Variants in EYA2 observed in about 807,000 individuals in gnomAD.
EYA2 encodes the protein EYA transcriptional coactivator and phosphatase 2.
Under a neutral mutation model 69.2 loss-of-function variants are expected in EYA2, and 31 were observed. That is an observed-to-expected ratio of 0.45 (90% CI 0.34 to 0.60). The LOEUF (loss-of-function observed/expected upper bound fraction) is 0.60. Ranked by LOEUF, EYA2 falls within the 20% of genes least tolerant of loss-of-function variation. The pLI is 0.02. For synonymous variants in EYA2, 257 were observed against 279.4 expected (o/e 0.92, Z 0.80); for missense variants, 622 against 701.2 (o/e 0.89, Z 1.28).
At chr20:47,020,766 TATC>T (rs775142650) in intron 5 of EYA2, among the ~76,000 whole-genome samples, 2 of 152,180 alleles carry the variant, frequency 1.3e-5, no homozygotes, top group Admixed American at 1.3e-4. Context: ...GTGAAACTGG[TATC>T]ATAGTGAGAG....
At position 47,172,321 on chromosome 20, in the gene EYA2, T is replaced by C. The variant is rs148718252; in HGVS notation, c.1038-386T>C. Among the ~76,000 whole-genome samples the C allele has an allele frequency of 4.5e-3, 682 of 151,914 alleles. 7 individuals are homozygous for C. The highest frequency in any genetic ancestry group is 0.016 in the African/African-American group (648 of 41,432). ...TGTGGTGGCGCACACACGAGGAGCC[T>C]GTGGGCCCAGCTCCTCGGAAGGCTG... On this transcript the variant is annotated intron_variant, in intron 11 of 15. Coordinates refer to ENST00000327619, the MANE Select transcript of EYA2 (RefSeq NM_005244.5).
At chr20:47,139,720 C>T (rs912843212) in intron 9 of EYA2, among the ~76,000 whole-genome samples, 1 of 152,176 alleles carries the variant, frequency 6.6e-6, no homozygotes, top group African/African-American at 2.4e-5. Context: ...TGAGCCACTG[C>T]ACCCAGCCTC....
chr20:46,993,238 A>G (rs1433954143), intron 2 of EYA2, among the ~76,000 whole-genome samples: 1 of 152,214 alleles, frequency 6.6e-6, no homozygotes. Context: ...GAGTGGACTT[A>G]GTGTGCTTAA....
chr20:46,976,011 C>T (rs1372528340), intron 1 of EYA2, among the ~76,000 whole-genome samples: 1 of 152,142 alleles, frequency 6.6e-6, no homozygotes, highest in Non-Finnish European at 1.5e-5. Flanking sequence ...ACTCAGTCCG[C>T]TTGGCTGAAG....
intron 2 of EYA2, chr20:46,997,770 G>A (rs376236104): frequency 2.0e-5 from 3 of 152,390 alleles, no homozygotes; most frequent in South Asian, 2.1e-4. Context: ...CAACAAGGTT[G>A]AGAACAGAAA....
At chr20:46,914,411 AATAAAGACAT>A in intron 1 of EYA2, among the ~76,000 whole-genome samples, 1 of 152,318 alleles carries the variant, frequency 6.6e-6, no homozygotes, top group East Asian at 1.9e-4. Flanking sequence ...TCACACTGCC[AATAAAGACAT>A]ACCCAACTGG....
At chr20:47,115,514 C>T (rs1463250832) in intron 9 of EYA2, among the ~76,000 whole-genome samples, 2 of 152,112 alleles carry the variant, frequency 1.3e-5, no homozygotes, top group Admixed American at 6.6e-5. Flanking sequence ...TCAGGTCACC[C>T]GTCTTATGCT....
chr20:47,125,047 G>GTTTTTTTTTTTTT (rs11478823), intron 9 of EYA2, among the ~76,000 whole-genome samples: 1 of 88,396 alleles, frequency 1.1e-5, no homozygotes, highest in Non-Finnish European at 2.3e-5. Context: ...TTTTGGTTAA[G>GTTTTTTTTTTTTT]TTTTTTTTTT....
At chr20:47,153,286 G>A (rs988141499) in intron 10 of EYA2, among the ~76,000 whole-genome samples, 8 of 152,066 alleles carry the variant, frequency 5.3e-5, no homozygotes, top group South Asian at 2.1e-4. Flanking sequence ...TCAAACCAGT[G>A]ATGTCATAGG....
intron 4 of EYA2, among the ~76,000 whole-genome samples, chr20:47,010,994 T>G (rs1427616294): frequency 6.6e-6 from 1 of 152,016 alleles, no homozygotes; most frequent in African/African-American, 2.4e-5. Context: ...TCACCATGTT[T>G]CCCAGGCTGA....
chr20:47,084,830 C>A (rs929222428), intron 7 of EYA2, among the ~76,000 whole-genome samples: 5 of 123,474 alleles, frequency 4.0e-5, no homozygotes, highest in African/African-American at 1.5e-4. Context: ...TCATCTGTTT[C>A]TTTCTTTTTT....
intron 9 of EYA2, among the ~76,000 whole-genome samples, chr20:47,118,552 T>A (rs16992344): frequency 0.015 from 2,252 of 152,298 alleles, 49 homozygotes; most frequent in African/African-American, 0.052. Context: ...TAATCCCTTA[T>A]AATGATGCTT....
chr20:47,089,165 C>A, intron 7 of EYA2, 74 bp from the exon 8 acceptor site: 2 of 1,554,570 alleles, frequency 1.3e-6, no homozygotes, highest in Non-Finnish European at 1.8e-6. Context: ...CTAGACGGTG[C>A]TGTTGGGATA....
intron 5 of EYA2, among the ~76,000 whole-genome samples, chr20:47,063,408 T>TGTGTGTGTGTGTGC (rs1237316134): frequency 1.3e-5 from 2 of 151,554 alleles, no homozygotes; most frequent in African/African-American, 4.9e-5. Context: ...TGTGTGTGTG[T>TGTGTGTGTGTGTGC]GTGTGTGTGT....
At chr20:46,994,759 G>T (rs368605176) in intron 2 of EYA2, among the ~76,000 whole-genome samples, 2,059 of 149,362 alleles carry the variant, frequency 0.014, 64 homozygotes, top group African/African-American at 0.049. Context: ...CCCGCTTTGT[G>T]GGAGGAAATG....
chr20:47,089,632 G>A (rs2146505769), intron 8 of EYA2, among the ~76,000 whole-genome samples: 1 of 152,346 alleles, frequency 6.6e-6, no homozygotes, highest in Admixed American at 6.5e-5. Flanking sequence ...ATCAGGGATT[G>A]CTGGGCCTCA....
intron 9 of EYA2, among the ~76,000 whole-genome samples, chr20:47,142,778 C>T (rs1433360944): frequency 6.6e-6 from 1 of 152,234 alleles, no homozygotes; most frequent in Non-Finnish European, 1.5e-5. Context: ...GATAAGTGTC[C>T]TTGCAACGCT....
chr20:47,157,553 A>G (rs1432043333), intron 10 of EYA2, among the ~76,000 whole-genome samples: 1 of 151,856 alleles, frequency 6.6e-6, no homozygotes, highest in African/African-American at 2.4e-5. Flanking sequence ...AGAGATCAAT[A>G]AACAACATCC....
At chr20:47,118,317 T>G (rs1401009277) in intron 9 of EYA2, among the ~76,000 whole-genome samples, 2 of 152,226 alleles carry the variant, frequency 1.3e-5, no homozygotes, top group Non-Finnish European at 2.9e-5. Context: ...TTGATTGGGC[T>G]TCTCCAGCAG....
Sources: gnomAD v4.1 joint callset for allele counts (sites outside exome capture counted in the v4.1 genomes callset) on GRCh38, gnomAD v4.1.1 for gene constraint, MANE v1.5 for transcripts, NCBI Gene and HGNC (gene_info 2026-07-23, HGNC 2026-07-21) for gene names.